The following NR1I2 variants were observed in gnomAD, a reference collection of about 807,000 sequenced individuals.
The protein encoded by NR1I2 is orphan nuclear receptor PAR1.
In NR1I2, 42 loss-of-function variants were observed where a neutral mutation model predicts 43.3. The observed-to-expected ratio is 0.97, with a 90% CI of 0.76 to 1.26. The LOEUF (loss-of-function observed/expected upper bound fraction) is 1.26, where lower values mean the gene tolerates loss of function less well. Ranked by LOEUF, NR1I2 falls within the 50% of genes most tolerant of loss-of-function variation. NR1I2 has a pLI of 0.00. For missense variants in NR1I2, 559 were observed against 566.7 expected (o/e 0.99, Z 0.14); for synonymous variants, 229 against 215.0 (o/e 1.06, Z -0.57).
intron 1 of NR1I2, among the ~76,000 whole-genome samples, chr3:119,806,109 C>T (rs897906446): frequency 6.6e-6 from 1 of 152,212 alleles, no homozygotes; most frequent in Non-Finnish European, 1.5e-5. Context: ...AAAGCATCGT[C>T]ATCTGTGGTG....
At chr3:119,793,364 A>G (rs2054949109) in intron 1 of NR1I2, among the ~76,000 whole-genome samples, 1 of 152,180 alleles carries the variant, frequency 6.6e-6, no homozygotes, top group Non-Finnish European at 1.5e-5. Context: ...GAACAGCCTC[A>G]ATCCTTACCA....
chr3:119,808,559 C>T (rs898013861), intron 2 of NR1I2, among the ~76,000 whole-genome samples: 5 of 152,246 alleles, frequency 3.3e-5, no homozygotes, highest in African/African-American at 1.2e-4. Context: ...AAGCAGTGTT[C>T]GTGCATCCTG....
chr3:119,818,011 A>G lies in NR1I2; in HGVS notation c.*799A>G. On this transcript the variant is annotated 3_prime_UTR_variant, in exon 9 of 9. Transcript: ENST00000393716. ...AGAAATGATAAGTGACAAAAGCAGC[A>G]CAAGGAATTTCCCTGTGTGGATGCT... 1 of 985,602 alleles carries G rather than the reference A, an allele frequency of 1.0e-6. No homozygotes were observed. The allele number at this position is 985,602 out of a possible 1,614,324, so 61.1% of individuals were successfully genotyped here.
chr3:119,815,399 G>A lies in NR1I2; in HGVS notation c.1014G>A (p.Glu338=). The A allele has an allele frequency of 6.2e-7, 1 of 1,613,454 alleles. No individual in the cohort carries two copies. Among genetic ancestry groups the A allele is most frequent in the Non-Finnish European group, 8.5e-7 (1 of 1,179,996 alleles). ...TGAAGAAGCTGCAGCTGCATGAGGA[G>A]GAGTATGTGCTGATGCAGGCCATCT... is the stretch of plus-strand genomic sequence containing the variant. Residue 338 remains glutamate (E), a synonymous_variant, in exon 7 of 9, where the codon GAG becomes GAA. Transcript: ENST00000393716.
At position 119,818,270 on chromosome 3, in the gene NR1I2, C is replaced by A; in HGVS notation, c.*1058C>A. On this transcript the variant is annotated 3_prime_UTR_variant, in exon 9 of 9. Transcript: ENST00000393716. ...ACACCGGAGAAGAACCATTTACATG[C>A]ACCTTATATTTCTGTGTACACATCT... is the stretch of plus-strand genomic sequence containing the variant. The A allele has an allele frequency of 2.0e-6, 2 of 985,550 alleles. No homozygotes were observed. Among genetic ancestry groups the A allele is most frequent in the Non-Finnish European group, 2.4e-6 (2 of 829,926 alleles). 61.1% of individuals were successfully genotyped at this position (985,550 alleles called of 1,614,324 possible).
intron 1 of NR1I2, chr3:119,782,652 A>G: frequency 2.5e-6 from 2 of 812,714 alleles, no homozygotes; most frequent in Admixed American, 2.0e-5. Context: ...ACCACCTCCA[A>G]GGACTGTGGG....
intron 1 of NR1I2, among the ~76,000 whole-genome samples, chr3:119,787,061 G>C (rs1440618980): frequency 2.0e-5 from 3 of 152,138 alleles, no homozygotes; most frequent in Non-Finnish European, 4.4e-5. Context: ...GCCGAGGCAG[G>C]TGGATCACTT....
At position 119,815,395 on chromosome 3, in the gene NR1I2, AG is replaced by A; in HGVS notation, c.1012del (p.Glu338ArgfsTer5). 3 of 1,613,564 alleles carry A rather than the reference AG, an allele frequency of 1.9e-6. No individual in the cohort carries two copies. The highest frequency in any genetic ancestry group is 2.5e-6 in the Non-Finnish European group (3 of 1,180,014). On this transcript the variant is annotated frameshift_variant, in exon 7 of 9. Transcript: ENST00000393716. LOFTEE classifies it high-confidence loss of function. The stretch of plus-strand genomic sequence containing the variant: ...ATGCTGAAGAAGCTGCAGCTGCATG[AG>A]GAGGAGTATGTGCTGATGCAGGCCA...
At chr3:119,795,387 A>G (rs1355096398) in intron 1 of NR1I2, among the ~76,000 whole-genome samples, 2 of 152,186 alleles carry the variant, frequency 1.3e-5, no homozygotes, top group African/African-American at 2.4e-5. Context: ...TGCTCTGCTC[A>G]GCCAGTCAGC....
intron 5 of NR1I2, among the ~76,000 whole-genome samples, chr3:119,814,544 T>C (rs1473213540): frequency 3.3e-5 from 5 of 152,058 alleles, no homozygotes. Flanking sequence ...TGGAAAGACT[T>C]CTGAGAGGGG....
At chr3:119,804,846 A>AT (rs1453847142) in intron 1 of NR1I2, among the ~76,000 whole-genome samples, 1 of 150,892 alleles carries the variant, frequency 6.6e-6, no homozygotes, top group South Asian at 2.1e-4. Context: ...TTTTCCTTCC[A>AT]TTTTTTCCTT....
chr3:119,818,062 C>T lies in NR1I2; in HGVS notation c.*850C>T, dbSNP rs113845237. On this transcript the variant is annotated 3_prime_UTR_variant, in exon 9 of 9. Coordinates refer to ENST00000393716, the MANE Select transcript of NR1I2 (RefSeq NM_003889.4). The stretch of plus-strand genomic sequence containing the variant: ...GAGCTGTGATGGCGGGCACTGGGTA[C>T]CCAAGTGAAGGTTCCCAAGGACATG... 1.8e-5 allele frequency: 18 copies of T among 985,452 alleles called. No individual in the cohort carries two copies. In the African/African-American group the frequency reaches 2.6e-4, roughly 14 times the overall value. 61.0% of individuals were successfully genotyped at this position (985,452 alleles called of 1,614,324 possible). A position where few individuals can be genotyped will look rare whatever the true frequency, so the allele number is the denominator to read the frequency against.
chr3:119,815,670 C>A, intron 7 of NR1I2, 56 bp from the exon 8 acceptor site: 1 of 1,461,390 alleles, frequency 6.8e-7, no homozygotes, highest in Non-Finnish European at 9.5e-7. Context: ...TGACTCTGGG[C>A]TGGACTGAGC....
intron 5 of NR1I2, 137 bp from the exon 6 acceptor site, chr3:119,814,842 C>T (rs948164606): frequency 9.2e-7 from 1 of 1,083,204 alleles, no homozygotes; most frequent in Non-Finnish European, 1.4e-6. Context: ...AGACAGCAGC[C>T]ACAGTCATCC....
chr3:119,811,631 G>T lies in NR1I2; in HGVS notation c.424G>T (p.Gly142Trp), dbSNP rs751409859. Residue 142 changes from glycine to tryptophan, a missense_variant, in exon 4 of 9, where the codon GGG becomes TGG. Physicochemically the swap from Gly to Trp is radical, Grantham distance 184. This residue lies in a region of NR1I2 where 232 missense variants were observed against 236.6 expected (regional missense o/e 0.98). Coordinates refer to ENST00000393716, the MANE Select transcript of NR1I2 (RefSeq NM_003889.4). Reference sequence around the variant, plus strand: ...AGGGACTCAGCCACTGGGAGTGCAGGGGCTGACAGAGGAGCAGCGGATGAT... The same window carrying T: ...AGGGACTCAGCCACTGGGAGTGCAGTGGCTGACAGAGGAGCAGCGGATGAT... The T allele has an allele frequency of 6.2e-7, 1 of 1,613,872 alleles. No homozygotes were observed. Among genetic ancestry groups the T allele is most frequent in the South Asian group, 1.1e-5 (1 of 91,018 alleles).
intron 1 of NR1I2, among the ~76,000 whole-genome samples, chr3:119,802,044 C>T (rs1240839498): frequency 5.3e-5 from 8 of 152,196 alleles, no homozygotes; most frequent in Non-Finnish European, 1.2e-4. Context: ...CTCTTCCCCA[C>T]ATTCTATTAA....
At chr3:119,814,617 G>A (rs1463052196) in intron 5 of NR1I2, among the ~76,000 whole-genome samples, 1 of 152,176 alleles carries the variant, frequency 6.6e-6, no homozygotes, top group Non-Finnish European at 1.5e-5. Context: ...ATTCCAAGGG[G>A]GAAACTGAGG....
chr3:119,806,570 G>A (rs2055164350), intron 1 of NR1I2, among the ~76,000 whole-genome samples: 1 of 152,118 alleles, frequency 6.6e-6, no homozygotes, highest in African/African-American at 2.4e-5. Flanking sequence ...ACAGGCATCA[G>A]CCACCATGCT....
At chr3:119,782,627 C>T (rs2054789432) in intron 1 of NR1I2, 3 of 692,972 alleles carry the variant, frequency 4.3e-6, no homozygotes, top group Non-Finnish European at 7.9e-6. Flanking sequence ...GCTGGAGTCC[C>T]TGGACCCAGG....
Sources: gnomAD v4.1 joint callset for allele counts (sites outside exome capture counted in the v4.1 genomes callset) on GRCh38, gnomAD v4.1.1 for gene constraint, gnomAD v4.1.1 regional missense constraint, MANE v1.5 for transcripts, NCBI Gene and HGNC (gene_info 2026-07-23, HGNC 2026-07-21) for gene names.